Variants in EMILIN2 observed in about 807,000 individuals in gnomAD.
EMILIN2 encodes the protein elastin microfibril interfacer 2, also known as EMILIN-2.
EMILIN2 carries 71 observed loss-of-function variants against 87.1 expected under a neutral mutation model. That is an observed-to-expected ratio of 0.82 (90% CI 0.67 to 0.99). The LOEUF (loss-of-function observed/expected upper bound fraction) is 0.99, where lower values mean the gene tolerates loss of function less well. Among genes scored for constraint, EMILIN2 ranks in the 50% least tolerant of loss-of-function variants. The probability of loss-of-function intolerance (pLI) is 0.00; values close to 1 mark genes in which losing one functional copy is unlikely to be tolerated. For missense variants in EMILIN2, 1,407 were observed against 1,371.8 expected, an observed-to-expected ratio of 1.03 and a Z score of -0.40; for synonymous variants, 581 against 563.4, an observed-to-expected ratio of 1.03 and a Z score of -0.44.
rs1209641052 is a variant in EMILIN2, at chr18:2,894,956, C to G, written c.2359+2470C>G. Among the ~76,000 whole-genome samples, 4 of 152,118 alleles carry G rather than the reference C, an allele frequency of 2.6e-5. No homozygotes were observed. The highest frequency in any genetic ancestry group is 2.6e-4 in the Admixed American group (4 of 15,276). ...GGACCTGGAGATAAGTAGGCATAAT[C>G]CTTATTCTAAAGCATTTGCAATCAC... On this transcript the variant is annotated intron_variant, in intron 4 of 7. Coordinates refer to ENST00000254528, the MANE Select transcript of EMILIN2 (RefSeq NM_032048.3). This position sits in a 1 kb window ranked among gnomAD's most constrained non-coding sequence, Gnocchi z 5.0.
chr18:2,909,404 TCA>T (rs889986307), intron 6 of EMILIN2, among the ~76,000 whole-genome samples: 12 of 151,798 alleles, frequency 7.9e-5, no homozygotes, highest in African/African-American at 2.9e-4. Flanking sequence ...GTGCACACAC[TCA>T]CACGCACATA....
intron 4 of EMILIN2, among the ~76,000 whole-genome samples, chr18:2,895,580 G>A (rs564114677): frequency 1.2e-3 from 187 of 152,290 alleles, no homozygotes; most frequent in Non-Finnish European, 1.7e-3. Flanking sequence ...TTCAGCTTGC[G>A]GTTGACTGGA....
chr18:2,908,759 G>A (rs1192732462), intron 5 of EMILIN2, among the ~76,000 whole-genome samples, 184 bp from the exon 6 acceptor site: 1 of 152,188 alleles, frequency 6.6e-6, no homozygotes, highest in Non-Finnish European at 1.5e-5. Flanking sequence ...GCAGGGACGG[G>A]CTGGTACAAA....
chr18:2,898,945 C>CA (rs1228705109), intron 4 of EMILIN2, among the ~76,000 whole-genome samples: 2 of 152,218 alleles, frequency 1.3e-5, no homozygotes, highest in Admixed American at 1.3e-4. Flanking sequence ...ATCCTGTAGG[C>CA]ACCAGGTTTC....
chr18:2,867,728 A>G (rs917553864), intron 2 of EMILIN2, among the ~76,000 whole-genome samples: 3 of 152,002 alleles, frequency 2.0e-5, no homozygotes, highest in South Asian at 2.1e-4. Flanking sequence ...AGAACAAAAC[A>G]AAAAGTCTCC....
Position 2,913,436 on chromosome 18 carries a change from ATAGT to A in EMILIN2, c.*34_*37del. 1 of 1,493,718 alleles carries A rather than the reference ATAGT, an allele frequency of 6.7e-7. No homozygotes were observed. Among genetic ancestry groups the A allele is most frequent in the South Asian group, 1.3e-5 (1 of 77,004 alleles). 92.5% of individuals were successfully genotyped at this position (1,493,718 alleles called of 1,614,324 possible). On this transcript the variant is annotated 3_prime_UTR_variant, in exon 8 of 8. Coordinates refer to ENST00000254528, the MANE Select transcript of EMILIN2 (RefSeq NM_032048.3). ...TGGGGAGATGTCAGGGGAAAGATAG[ATAGT>A]TGTAAAAACTCTAAAGCTTTAATAT...
At chr18:2,861,808 C>A (rs1490888813) in intron 2 of EMILIN2, among the ~76,000 whole-genome samples, 2 of 152,142 alleles carry the variant, frequency 1.3e-5, no homozygotes, top group Non-Finnish European at 1.5e-5. Flanking sequence ...CATTGAATCT[C>A]TAAATTACCT....
At chr18:2,869,067 G>GT (rs528557864) in intron 2 of EMILIN2, among the ~76,000 whole-genome samples, 92 of 151,822 alleles carry the variant, frequency 6.1e-4, no homozygotes, top group Middle Eastern at 3.4e-3. Context: ...GAAACAATTG[G>GT]TTATGTGTCT....
intron 7 of EMILIN2, among the ~76,000 whole-genome samples, chr18:2,911,798 G>A (rs1007297918): frequency 1.3e-5 from 2 of 152,194 alleles, no homozygotes; most frequent in East Asian, 1.9e-4. Flanking sequence ...GCATGGAGCA[G>A]GTGCAGAAAG....
At chr18:2,909,100 C>T (rs2076928633) in intron 6 of EMILIN2, 125 bp downstream of exon 6, 3 of 1,220,338 alleles carry the variant, frequency 2.5e-6, no homozygotes, top group Non-Finnish European at 3.6e-6. Context: ...CCAGCCCTTC[C>T]CCACCCACCA....
chr18:2,863,771 T>C (rs1363528807), intron 2 of EMILIN2, among the ~76,000 whole-genome samples: 2 of 152,212 alleles, frequency 1.3e-5, no homozygotes, highest in Non-Finnish European at 2.9e-5. Context: ...TTCCTGGATA[T>C]CCTTCTTAAC....
rs1452302596 is a variant in EMILIN2 at position 2,892,266 on chromosome 18, C to G, written c.2139C>G (p.Cys713Trp). 2 of 1,613,926 alleles carry G rather than the reference C, an allele frequency of 1.2e-6. No individual in the cohort carries two copies. Among genetic ancestry groups the G allele is most frequent in the East Asian group, 2.2e-5 (1 of 44,882 alleles). ...EGRVSHMEKT[C>W]SKLDSISGNL... The stretch of plus-strand genomic sequence containing the variant: ...GGGTGTCTCATATGGAGAAAACTTG[C>G]AGCAAGCTGGACTCTATCTCAGGAA... Residue 713 changes from cysteine (C) to tryptophan (W), a missense_variant, in exon 4 of 8, where the codon TGC becomes TGG. Physicochemically the swap from Cys to Trp is radical, Grantham distance 215 (BLOSUM62 -2). Coordinates refer to ENST00000254528, the MANE Select transcript of EMILIN2 (RefSeq NM_032048.3).
chr18:2,884,404 C>A (rs2076793035), intron 2 of EMILIN2, among the ~76,000 whole-genome samples: 1 of 122,082 alleles, frequency 8.2e-6, no homozygotes, highest in South Asian at 3.1e-4. Flanking sequence ...CGCCACAACA[C>A]CTGGCTAAGT....
chr18:2,893,692 A>G (rs2076850583), intron 4 of EMILIN2, among the ~76,000 whole-genome samples: 1 of 152,180 alleles, frequency 6.6e-6, no homozygotes, highest in South Asian at 2.1e-4. Context: ...AGGAAGGAAG[A>G]GGGAGCTCGC....
In EMILIN2 at chr18:2,880,275, C is replaced by CTT. The variant is rs199731215; in HGVS notation, c.258-4680_258-4679dup. On this transcript the variant is annotated intron_variant, in intron 2 of 7. Coordinates refer to ENST00000254528, the MANE Select transcript of EMILIN2 (RefSeq NM_032048.3). The surrounding 1 kb of genome is among the most constrained non-coding windows in gnomAD (Gnocchi z 4.1). ...GGACGCTGACACAACTTTTCCAGGA[C>CTT]TTTTTTTTTTGACACCTTCCTTCTC... Among the ~76,000 whole-genome samples, 1 of 149,618 alleles carries CTT rather than the reference C, an allele frequency of 6.7e-6. No individual in the cohort carries two copies. Among genetic ancestry groups the CTT allele is most frequent in the African/African-American group, 2.4e-5 (1 of 40,822 alleles).
intron 4 of EMILIN2, among the ~76,000 whole-genome samples, chr18:2,901,531 C>G (rs760106492): frequency 6.6e-6 from 1 of 152,240 alleles, no homozygotes; most frequent in African/African-American, 2.4e-5. Flanking sequence ...AATCCCTACA[C>G]GTCAGGTTCA....
intron 2 of EMILIN2, among the ~76,000 whole-genome samples, chr18:2,883,649 T>G (rs2144022508): frequency 6.6e-6 from 1 of 152,284 alleles, no homozygotes; most frequent in East Asian, 1.9e-4. Context: ...TGTCAAAGTC[T>G]GTTGTGGGCC....
intron 4 of EMILIN2, among the ~76,000 whole-genome samples, chr18:2,901,646 G>A (rs1390698085): frequency 6.6e-6 from 1 of 152,216 alleles, no homozygotes; most frequent in Non-Finnish European, 1.5e-5. Flanking sequence ...TAAAACACAT[G>A]AGGAGCAACC....
At chr18:2,910,188 G>A (rs1355407063) in intron 7 of EMILIN2, among the ~76,000 whole-genome samples, 1 of 148,862 alleles carries the variant, frequency 6.7e-6, no homozygotes, top group Admixed American at 6.7e-5. Context: ...CCCTCTCTCA[G>A]GCTCCGACAG....
Sources: allele counts gnomAD v4.1 joint callset (sites outside exome capture counted in the v4.1 genomes callset), GRCh38; gene constraint gnomAD v4.1.1; non-coding constraint Gnocchi (gnomAD v3.1); transcripts MANE v1.5; gene names NCBI Gene and HGNC (gene_info 2026-07-23, HGNC 2026-07-21).